Variants in CDH4 observed in about 807,000 individuals in gnomAD.
The protein encoded by CDH4 is cadherin 4.
In CDH4, 33 loss-of-function variants were observed where a neutral mutation model predicts 86.0. The observed-to-expected ratio is 0.38, with a 90% confidence interval of 0.29 to 0.51. The LOEUF is 0.51. CDH4 is among the 20% of genes least tolerant of loss of function. CDH4 has a pLI of 0.86. For synonymous variants in CDH4, 555 were observed against 549.4 expected, an observed-to-expected ratio of 1.01 and a Z score of -0.14; for missense variants, 1,114 against 1,307.4, an observed-to-expected ratio of 0.85 and a Z score of 2.28.
At chr20:61,775,320 C>T (rs531718405) in intron 4 of CDH4, among the ~76,000 whole-genome samples, 3 of 152,146 alleles carry the variant, frequency 2.0e-5, no homozygotes, top group South Asian at 4.2e-4. Flanking sequence ...TGAAGGTCAC[C>T]GAGACAGGGA....
intron 4 of CDH4, among the ~76,000 whole-genome samples, chr20:61,792,776 G>A (rs1322440635): frequency 1.3e-5 from 2 of 151,788 alleles, no homozygotes; most frequent in East Asian, 1.9e-4. Flanking sequence ...TCAACCTTCC[G>A]AGTAGCTGGG....
chr20:61,294,309 G>A (rs2084340113), intron 2 of CDH4, among the ~76,000 whole-genome samples: 1 of 152,214 alleles, frequency 6.6e-6, no homozygotes. Flanking sequence ...GGTCTTTGAG[G>A]TGGGTCTGGG....
intron 13 of CDH4, 81 bp from the exon 14 acceptor site, chr20:61,932,904 C>T (rs901912644): frequency 1.3e-6 from 2 of 1,545,418 alleles, no homozygotes; most frequent in South Asian, 2.4e-5. Flanking sequence ...TGTACATGCC[C>T]ACATAGACAC....
At position 61,417,406 on chromosome 20, in the gene CDH4, C is replaced by T. The variant is rs563182296; in HGVS notation, c.169+162469C>T. Among the ~76,000 whole-genome samples the T allele has an allele frequency of 3.3e-5, 5 of 152,284 alleles. No homozygotes were observed. Among genetic ancestry groups the T allele is most frequent in the African/African-American group, 1.2e-4 (5 of 41,546 alleles). On this transcript the variant is annotated intron_variant, in intron 2 of 15. Coordinates refer to ENST00000614565, the MANE Select transcript of CDH4 (RefSeq NM_001794.5). This position sits in a 1 kb window ranked among gnomAD's most constrained non-coding sequence, Gnocchi z 4.0. ...AAACCTGCTGAGGTCACCTATTCCA[C>T]CTTGAGCCAGCTGTGGGGTGTGGGG...
intron 2 of CDH4, among the ~76,000 whole-genome samples, chr20:61,691,367 G>T (rs1254381339): frequency 6.6e-6 from 1 of 151,972 alleles, no homozygotes; most frequent in Non-Finnish European, 1.5e-5. Flanking sequence ...GTGTGCATGT[G>T]CATATGTGTG....
At chr20:61,932,958 C>G in intron 13 of CDH4, 27 bp from the exon 14 acceptor site, 2 of 1,606,614 alleles carry the variant, frequency 1.2e-6, no homozygotes, top group African/African-American at 2.7e-5. Context: ...GCAGCACACC[C>G]TGCTCACGGG....
chr20:61,535,171 C>T (rs1383313854), intron 2 of CDH4, among the ~76,000 whole-genome samples: 2 of 152,250 alleles, frequency 1.3e-5, no homozygotes, highest in African/African-American at 4.8e-5. Context: ...TGGGCATTGC[C>T]ATGACTGATT....
intron 2 of CDH4, among the ~76,000 whole-genome samples, chr20:61,549,494 G>A (rs948581441): frequency 6.6e-6 from 1 of 152,224 alleles, no homozygotes; most frequent in Non-Finnish European, 1.5e-5. Context: ...GGAGGTTTAG[G>A]GGGCAGGATG....
At chr20:61,584,598 C>A (rs915977119) in intron 2 of CDH4, among the ~76,000 whole-genome samples, 11 of 152,190 alleles carry the variant, frequency 7.2e-5, no homozygotes, top group African/African-American at 2.7e-4. Context: ...GTATTGGGTG[C>A]TGGGGGCACC....
chr20:61,711,493 A>C (rs2087892770), intron 2 of CDH4, among the ~76,000 whole-genome samples: 1 of 151,862 alleles, frequency 6.6e-6, no homozygotes, highest in East Asian at 1.9e-4. Context: ...CTGTGTTCCG[A>C]CTCTGCCTTC....
chr20:61,741,850 T>G (rs1308645205), intron 2 of CDH4, among the ~76,000 whole-genome samples: 1 of 152,140 alleles, frequency 6.6e-6, no homozygotes, highest in African/African-American at 2.4e-5. Flanking sequence ...CTGTACTTTT[T>G]TTTAACTACA....
At chr20:61,640,203 A>G (rs1049002820) in intron 2 of CDH4, among the ~76,000 whole-genome samples, 4 of 152,222 alleles carry the variant, frequency 2.6e-5, no homozygotes, top group East Asian at 1.9e-4. Flanking sequence ...TCTTTGTGAC[A>G]TTATCAGCAG....
At chr20:61,907,982 C>T (rs1013750300) in intron 8 of CDH4, among the ~76,000 whole-genome samples, 3 of 152,154 alleles carry the variant, frequency 2.0e-5, no homozygotes, top group South Asian at 2.1e-4. Context: ...CTGATTGTAT[C>T]GGGATGTGAA....
chr20:61,786,920 G>C (rs1476655858), intron 4 of CDH4, among the ~76,000 whole-genome samples: 1 of 152,230 alleles, frequency 6.6e-6, no homozygotes, highest in Non-Finnish European at 1.5e-5. Flanking sequence ...CAGCTGTTCT[G>C]AGGACAAGTT....
intron 2 of CDH4, among the ~76,000 whole-genome samples, chr20:61,666,998 C>T (rs1185719007): frequency 6.6e-6 from 1 of 152,260 alleles, no homozygotes; most frequent in Non-Finnish European, 1.5e-5. Flanking sequence ...CGACTGCTCC[C>T]TGGCAGCCCA....
At chr20:61,355,736 C>T (rs28409769) in intron 2 of CDH4, among the ~76,000 whole-genome samples, 38,269 of 152,194 alleles carry the variant, frequency 0.25, 5,065 homozygotes, top group South Asian at 0.36. Flanking sequence ...ACCTGTCTGC[C>T]GCCTGTCTGT....
intron 7 of CDH4, among the ~76,000 whole-genome samples, chr20:61,890,597 TGATGGATG>T (rs998172122): frequency 1.3e-5 from 2 of 149,820 alleles, no homozygotes; most frequent in African/African-American, 4.9e-5. Context: ...GATGGGTAAA[TGATGGATG>T]GATGGATGGG....
chr20:61,463,601 G>A (rs2085456815), intron 2 of CDH4, among the ~76,000 whole-genome samples: 1 of 152,200 alleles, frequency 6.6e-6, no homozygotes, highest in African/African-American at 2.4e-5. Context: ...GGCTTCAAAT[G>A]TGCATAGGTG....
chr20:61,575,463 G>A (rs150267963), intron 2 of CDH4, among the ~76,000 whole-genome samples: 3 of 152,282 alleles, frequency 2.0e-5, no homozygotes, highest in African/African-American at 7.2e-5. Context: ...CTATAATGGT[G>A]GTAGAAAGAC....
Sources: allele counts gnomAD v4.1 joint callset (sites outside exome capture counted in the v4.1 genomes callset), GRCh38; gene constraint gnomAD v4.1.1; non-coding constraint Gnocchi (gnomAD v3.1); transcripts MANE v1.5; gene names NCBI Gene and HGNC (gene_info 2026-07-23, HGNC 2026-07-21).